The following CACNA1D variants were observed in gnomAD, a reference collection of about 807,000 sequenced individuals.
The protein encoded by CACNA1D is calcium voltage-gated channel subunit alpha1 D.
In CACNA1D, 55 loss-of-function variants were observed where a neutral mutation model predicts 257.1. The ratio of observed to expected loss-of-function variants is 0.21; its 90% CI spans 0.17 to 0.27. The LOEUF (loss-of-function observed/expected upper bound fraction) is 0.27. Ranked by LOEUF, CACNA1D falls within the 10% of genes least tolerant of loss-of-function variation. The pLI is 1.00. For synonymous variants in CACNA1D, 980 were observed against 1,014.9 expected (o/e 0.97, Z 0.65); for missense variants, 1,876 against 2,784.0 (o/e 0.67, Z 7.34).
chr3:53,677,487 ATATCCT>A (rs2094387741), intron 8 of CACNA1D, among the ~76,000 whole-genome samples: 1 of 152,238 alleles, frequency 6.6e-6, no homozygotes, highest in South Asian at 2.1e-4. Context: ...CTAATTTAAC[ATATCCT>A]TATCTTAAAT....
At chr3:53,617,095 C>T (rs567752503) in intron 3 of CACNA1D, among the ~76,000 whole-genome samples, 4 of 152,274 alleles carry the variant, frequency 2.6e-5, no homozygotes, top group South Asian at 2.1e-4. Context: ...CAAGTCCTGC[C>T]GATCCCCTGA....
intron 3 of CACNA1D, among the ~76,000 whole-genome samples, chr3:53,579,864 G>A (rs987515785): frequency 1.4e-4 from 21 of 152,264 alleles, no homozygotes; most frequent in African/African-American, 4.8e-4. Context: ...GGTGAAGGCA[G>A]TGCCATGCAG....
chr3:53,657,326 G>T (rs576427346), intron 4 of CACNA1D, among the ~76,000 whole-genome samples: 67 of 142,484 alleles, frequency 4.7e-4, no homozygotes, highest in Middle Eastern at 3.6e-3. Flanking sequence ...TCTAGAAAAA[G>T]AAAAAAAAAA....
chr3:53,580,689 T>C (rs952152673), intron 3 of CACNA1D, among the ~76,000 whole-genome samples: 16 of 152,340 alleles, frequency 1.1e-4, no homozygotes, highest in Admixed American at 1.0e-3. Context: ...CCATGACCTA[T>C]TTTGCTCAGC....
chr3:53,734,055 G>T (rs2095032501), intron 19 of CACNA1D, among the ~76,000 whole-genome samples: 1 of 141,424 alleles, frequency 7.1e-6, no homozygotes, highest in Non-Finnish European at 1.5e-5. Context: ...TATATGTTGA[G>T]GGAATGCATT....
chr3:53,579,134 T>C (rs536370005), intron 3 of CACNA1D, among the ~76,000 whole-genome samples: 2 of 152,286 alleles, frequency 1.3e-5, no homozygotes, highest in African/African-American at 2.4e-5. Context: ...AGGGATAGCG[T>C]TGGTGTTCCA....
intron 26 of CACNA1D, among the ~76,000 whole-genome samples, chr3:53,748,929 C>T (rs2095198559): frequency 6.6e-6 from 1 of 152,204 alleles, no homozygotes; most frequent in African/African-American, 2.4e-5. Flanking sequence ...TACTGTCTTG[C>T]CAGTGTGCAT....
intron 3 of CACNA1D, among the ~76,000 whole-genome samples, chr3:53,509,279 C>G (rs1184151961): frequency 6.7e-6 from 1 of 149,870 alleles, no homozygotes; most frequent in Non-Finnish European, 1.5e-5. Context: ...ACAGCCCCCT[C>G]TGTGTGTGTG....
At chr3:53,615,172 C>T (rs780197593) in intron 3 of CACNA1D, among the ~76,000 whole-genome samples, 9 of 152,184 alleles carry the variant, frequency 5.9e-5, no homozygotes, top group Non-Finnish European at 1.3e-4. Context: ...GCTCTCAGCC[C>T]CATCACCTGC....
chr3:53,747,238 A>G (rs1290177233), intron 25 of CACNA1D, 64 bp from the exon 26 acceptor site: 3 of 1,490,098 alleles, frequency 2.0e-6, no homozygotes, highest in Middle Eastern at 2.0e-4. Flanking sequence ...AGTGTGTCCA[A>G]CTTTACGCTG....
At chr3:53,802,271 C>A in intron 43 of CACNA1D, 98 bp downstream of exon 43, 1 of 1,008,670 alleles carries the variant, frequency 9.9e-7, no homozygotes, top group Non-Finnish European at 1.6e-6. Flanking sequence ...TTCTTTGAGC[C>A]AGCCTATTAA....
intron 3 of CACNA1D, among the ~76,000 whole-genome samples, chr3:53,513,967 G>A (rs2107269984): frequency 1.3e-5 from 2 of 152,304 alleles, no homozygotes; most frequent in South Asian, 4.2e-4. Flanking sequence ...CTAGGTCTGT[G>A]TAAGTACACT....
chr3:53,802,910 A>G (rs2359132), intron 43 of CACNA1D, among the ~76,000 whole-genome samples: 19,540 of 152,108 alleles, frequency 0.13, 1,856 homozygotes, highest in East Asian at 0.42. Context: ...CATGGTGGAC[A>G]TGTTCTGTGA....
At chr3:53,672,862 G>A (rs1260401357) in intron 7 of CACNA1D, among the ~76,000 whole-genome samples, 161 bp from the exon 8 acceptor site, 1 of 150,570 alleles carries the variant, frequency 6.6e-6, no homozygotes, top group African/African-American at 2.4e-5. Context: ...TGATTAATGT[G>A]TGTTGGCTGC....
At chr3:53,767,420 G>A (rs898399208) in intron 30 of CACNA1D, among the ~76,000 whole-genome samples, 6 of 151,996 alleles carry the variant, frequency 3.9e-5, no homozygotes, top group Non-Finnish European at 2.9e-5. Context: ...CAAAAAATTC[G>A]GCAGGCATGG....
At chr3:53,669,250 G>C (rs974359339) in intron 7 of CACNA1D, among the ~76,000 whole-genome samples, 1 of 152,270 alleles carries the variant, frequency 6.6e-6, no homozygotes, top group African/African-American at 2.4e-5. Context: ...TCAGCTGGAA[G>C]CCACACCGCT....
At chr3:53,601,114 G>C (rs1183910335) in intron 3 of CACNA1D, among the ~76,000 whole-genome samples, 1 of 152,120 alleles carries the variant, frequency 6.6e-6, no homozygotes, top group African/African-American at 2.4e-5. Context: ...ATGAATATAA[G>C]AATGCCTGTG....
Position 53,800,617 on chromosome 3 carries a change from C to T in CACNA1D, c.5040+252C>T, listed in dbSNP as rs1228975693. ...CACTGCCTGCTTCTGAGGAGCTCGG[C>T]CACAGCCGCTGGCCCTGTGGATGAG... On this transcript the variant is annotated intron_variant, in intron 41 of 47. Transcript: ENST00000350061. This position sits in a 1 kb window ranked among gnomAD's most constrained non-coding sequence, Gnocchi z 4.3. 1.8e-6 allele frequency: 1 copy of T among 552,088 alleles called. No individual in the cohort carries two copies. The highest frequency in any genetic ancestry group is 3.3e-6 in the Non-Finnish European group (1 of 303,364). The allele number at this position is 552,088 out of a possible 1,614,324, so 34.2% of individuals were successfully genotyped here.
intron 3 of CACNA1D, among the ~76,000 whole-genome samples, chr3:53,604,788 G>A (rs904537418): frequency 6.6e-6 from 1 of 152,144 alleles, no homozygotes; most frequent in Non-Finnish European, 1.5e-5. Flanking sequence ...CCTCTACCAG[G>A]GGTAAAGCCC....
Sources: allele counts gnomAD v4.1 joint callset (sites outside exome capture counted in the v4.1 genomes callset), GRCh38; gene constraint gnomAD v4.1.1; non-coding constraint Gnocchi (gnomAD v3.1); transcripts MANE v1.5; gene names NCBI Gene and HGNC (gene_info 2026-07-23, HGNC 2026-07-21).